The following TMEM236 variants were observed in gnomAD, a reference collection of about 807,000 sequenced individuals.
TMEM236 encodes transmembrane protein 236.
In TMEM236, 11 loss-of-function variants were observed where a neutral mutation model predicts 14.7. The observed-to-expected ratio is 0.75, with a 90% CI of 0.47 to 1.24. The LOEUF (loss-of-function observed/expected upper bound fraction) is 1.24, where lower values mean the gene tolerates loss of function less well. Among genes scored for constraint, TMEM236 ranks in the 50% most tolerant of loss-of-function variants. TMEM236 has a pLI of 0.00. For missense variants in TMEM236, 464 were observed against 427.3 expected (o/e 1.09, Z -0.76); for synonymous variants, 182 against 168.6 (o/e 1.08, Z -0.62).
chr10:17,764,452 C>T (rs1837427885), intron 1 of TMEM236, among the ~76,000 whole-genome samples: 1 of 152,208 alleles, frequency 6.6e-6, no homozygotes, highest in African/African-American at 2.4e-5. Context: ...GCATTCTTTG[C>T]AGCATGAATA....
chr10:17,790,780 C>T (rs1473178832), intron 3 of TMEM236, among the ~76,000 whole-genome samples: 9 of 152,044 alleles, frequency 5.9e-5, no homozygotes, highest in Admixed American at 5.2e-4. Context: ...ACCATTTTCC[C>T]CTTGGGAGAA....
chr10:17,779,496 T>C (rs1837713837), intron 3 of TMEM236, among the ~76,000 whole-genome samples: 1 of 152,106 alleles, frequency 6.6e-6, no homozygotes. Context: ...ATTAATTAAT[T>C]TTTTGAGACA....
chr10:17,764,028 C>G (rs1274336494), intron 1 of TMEM236, among the ~76,000 whole-genome samples: 1 of 151,928 alleles, frequency 6.6e-6, no homozygotes, highest in Non-Finnish European at 1.5e-5. Context: ...ATTGAGTTGT[C>G]GTAAAGAGCT....
At chr10:17,761,034 T>C (rs1837354299) in intron 1 of TMEM236, among the ~76,000 whole-genome samples, 1 of 152,200 alleles carries the variant, frequency 6.6e-6, no homozygotes. Flanking sequence ...CGAGCTTATT[T>C]ACTTTTTCTT....
chr10:17,792,732 C>T (rs1307973439), intron 3 of TMEM236, among the ~76,000 whole-genome samples: 1 of 152,180 alleles, frequency 6.6e-6, no homozygotes. Context: ...CCATGTGAGC[C>T]TCTCAGGAGG....
In TMEM236 at chr10:17,796,230, A is replaced by G; in HGVS notation, c.782A>G (p.Tyr261Cys). Residue 261 changes from tyrosine (Y) to cysteine (C), a missense_variant, in exon 4 of 4, where the codon TAC becomes TGC. Physicochemically the swap from Tyr to Cys is radical, Grantham distance 194. Transcript: ENST00000377495. Reference sequence around the variant, plus strand: ...CGTGTGGCTGGTCACCCCAACGTGTACAAGTCAAGCTGGCTATACCCAGTC... The same window carrying G: ...CGTGTGGCTGGTCACCCCAACGTGTGCAAGTCAAGCTGGCTATACCCAGTC... ...MVRVAGHPNV[Y>C]KSSWLYPVYI... The G allele has an allele frequency of 6.2e-7, 1 of 1,613,988 alleles. No homozygotes were observed. Among genetic ancestry groups the G allele is most frequent in the Non-Finnish European group, 8.5e-7 (1 of 1,179,872 alleles).
At chr10:17,792,332 CCT>C (rs1349706840) in intron 3 of TMEM236, among the ~76,000 whole-genome samples, 9 of 152,222 alleles carry the variant, frequency 5.9e-5, no homozygotes, top group Admixed American at 5.9e-4. Context: ...AAGCGATCCC[CCT>C]GTTTCAGCCT....
chr10:17,771,274 A>G lies in TMEM236; in HGVS notation c.258-35A>G, dbSNP rs782322923. On this transcript the variant is annotated intron_variant, in intron 1 of 3. Transcript: ENST00000377495. ...GTAAGAGGAACTGTCGATCTTGTCCATGATTGCTTTGGCTTATTTTTTCTC... is the reference window on the plus strand; with the variant it reads ...GTAAGAGGAACTGTCGATCTTGTCCGTGATTGCTTTGGCTTATTTTTTCTC... 13 of 1,596,968 alleles carry G rather than the reference A, an allele frequency of 8.1e-6. No homozygotes were observed. In the East Asian group the frequency reaches 1.1e-4, roughly 14 times the overall value.
chr10:17,767,189 A>G (rs958168014), intron 1 of TMEM236, among the ~76,000 whole-genome samples: 28 of 152,152 alleles, frequency 1.8e-4, no homozygotes, highest in Non-Finnish European at 3.1e-4. Context: ...CCAGCCGGGC[A>G]TGGTGGCTCA....
chr10:17,789,836 A>G (rs188236853), intron 3 of TMEM236, among the ~76,000 whole-genome samples: 2,138 of 151,758 alleles, frequency 0.014, 47 homozygotes, highest in African/African-American at 0.049. Flanking sequence ...CCTGGCTAAC[A>G]TGGTGAAACC....
chr10:17,760,955 T>G (rs1009955634), intron 1 of TMEM236, among the ~76,000 whole-genome samples: 140 of 152,328 alleles, frequency 9.2e-4, no homozygotes, highest in Admixed American at 3.3e-3. Flanking sequence ...GTGGGAATTC[T>G]GGGAGCTACA....
chr10:17,768,063 A>G (rs1026483146), intron 1 of TMEM236, among the ~76,000 whole-genome samples: 1 of 133,596 alleles, frequency 7.5e-6, no homozygotes, highest in South Asian at 2.3e-4. Context: ...GGTACACACC[A>G]CCACACCTCG....
intron 3 of TMEM236, among the ~76,000 whole-genome samples, chr10:17,782,191 A>T (rs1554835473): frequency 6.6e-6 from 1 of 152,218 alleles, no homozygotes; most frequent in Non-Finnish European, 1.5e-5. Context: ...TTTGAAAAAC[A>T]GATAAACCTT....
In TMEM236 at chr10:17,798,044, C is replaced by G. The variant is rs1838044849; in HGVS notation, c.*1540C>G. 6.4e-6 allele frequency: 1 copy of G among 157,268 alleles called. No homozygotes were observed. Among genetic ancestry groups the G allele is most frequent in the Non-Finnish European group, 1.4e-5 (1 of 70,924 alleles). The allele number at this position is 157,268 out of a possible 1,614,324, so 9.7% of individuals were successfully genotyped here. ...ATTGATGTTATAAAATAATTAGATA[C>G]AGAGTCATGCAACTTGCTTTCACCC... On this transcript the variant is annotated 3_prime_UTR_variant, in exon 4 of 4. Transcript: ENST00000377495.
At chr10:17,789,036 G>A (rs1304608532) in intron 3 of TMEM236, among the ~76,000 whole-genome samples, 1 of 152,176 alleles carries the variant, frequency 6.6e-6, no homozygotes, top group Non-Finnish European at 1.5e-5. Context: ...AGTGTCTGTG[G>A]TGTAAATTCT....
In TMEM236 at chr10:17,796,574, T is replaced by C; in HGVS notation, c.*70T>C. ...CACATTTGTAATCCTTCTTTTTTTCTTGGGGCGTAGGTGTTTGCACTATAA... is the reference window on the plus strand; with the variant it reads ...CACATTTGTAATCCTTCTTTTTTTCCTGGGGCGTAGGTGTTTGCACTATAA... On this transcript the variant is annotated 3_prime_UTR_variant, in exon 4 of 4. Coordinates refer to ENST00000377495, the MANE Select transcript of TMEM236 (RefSeq NM_001098844.3). The C allele has an allele frequency of 7.3e-7, 1 of 1,378,950 alleles. No individual in the cohort carries two copies. The highest frequency in any genetic ancestry group is 1.2e-5 in the South Asian group (1 of 84,928). The allele number at this position is 1,378,950 out of a possible 1,614,324, so 85.4% of individuals were successfully genotyped here. A position where few individuals can be genotyped will look rare whatever the true frequency, so the allele number is the denominator to read the frequency against.
In TMEM236 at chr10:17,798,548, AAG is replaced by A. The variant is rs1838050837; in HGVS notation, c.*2048_*2049del. The A allele has an allele frequency of 3.7e-6, 2 of 534,242 alleles. No homozygotes were observed. Among genetic ancestry groups the A allele is most frequent in the African/African-American group, 3.9e-5 (2 of 51,884 alleles). 33.1% of individuals were successfully genotyped at this position (534,242 alleles called of 1,614,324 possible). Reference sequence around the variant, plus strand: ...AGTGACACCCATCTAAAAAAAATAAAAGAGAATTTGACGTTGTGTTATTCTAC... The same window carrying A: ...AGTGACACCCATCTAAAAAAAATAAAAGAATTTGACGTTGTGTTATTCTAC... On this transcript the variant is annotated 3_prime_UTR_variant, in exon 4 of 4. Coordinates refer to ENST00000377495, the MANE Select transcript of TMEM236 (RefSeq NM_001098844.3).
At chr10:17,766,931 T>C (rs2131745847) in intron 1 of TMEM236, among the ~76,000 whole-genome samples, 1 of 152,278 alleles carries the variant, frequency 6.6e-6, no homozygotes, top group South Asian at 2.1e-4. Context: ...CATCACATGA[T>C]ATGCTTCCTG....
intron 1 of TMEM236, among the ~76,000 whole-genome samples, chr10:17,765,636 G>T (rs1182829599): frequency 6.6e-6 from 1 of 152,146 alleles, no homozygotes; most frequent in African/African-American, 2.4e-5. Context: ...AGGAGTCGTG[G>T]GTCCCATGCA....
Sources: allele counts gnomAD v4.1 joint callset (sites outside exome capture counted in the v4.1 genomes callset), GRCh38; gene constraint gnomAD v4.1.1; transcripts MANE v1.5; gene names NCBI Gene and HGNC (gene_info 2026-07-23, HGNC 2026-07-21).